Variants in TRERF1 observed in about 807,000 individuals in gnomAD.
TRERF1 encodes transcriptional-regulating factor 1.
In TRERF1, 27 loss-of-function variants were observed where a neutral mutation model predicts 122.9. That is an observed-to-expected ratio of 0.22 (90% CI 0.16 to 0.30). TRERF1 has a LOEUF of 0.30. TRERF1 is among the 10% of genes least tolerant of loss of function. The probability of loss-of-function intolerance (pLI) is 1.00; values close to 1 mark genes in which losing one functional copy is unlikely to be tolerated. For synonymous variants in TRERF1, 636 were observed against 641.7 expected (o/e 0.99, Z 0.13); for missense variants, 1,248 against 1,560.3 (o/e 0.80, Z 3.37).
Position 42,426,559 on chromosome 6 carries a change from C to G in TRERF1, c.-454+24618G>C, listed in dbSNP as rs184455522. ...TTATTCCCAAAAAGAATGAAAACTC[C>G]ATGTGGGTCATGATCACATCTATTT... On this transcript the variant is annotated intron_variant, in intron 2 of 17. Coordinates refer to ENST00000372922, the Ensembl canonical transcript of TRERF1. 2.2e-4 allele frequency among the ~76,000 whole-genome samples: 34 copies of G among 152,276 alleles called. No homozygotes were observed. In the East Asian group the frequency reaches 6.4e-3, roughly 28 times the overall value.
chr6:42,286,231 G>A (rs1241160228), intron 4 of TRERF1, among the ~76,000 whole-genome samples: 1 of 147,122 alleles, frequency 6.8e-6, no homozygotes, highest in East Asian at 2.0e-4. Context: ...ATAGGCATGG[G>A]CAAGGACTTC....
Position 42,263,256 on chromosome 6 carries a change from T to C in TRERF1, c.1884+64A>G. The C allele has an allele frequency of 6.5e-7, 1 of 1,528,194 alleles. No homozygotes were observed. Among genetic ancestry groups the C allele is most frequent in the East Asian group, 2.4e-5 (1 of 42,158 alleles). 94.7% of individuals were successfully genotyped at this position (1,528,194 alleles called of 1,614,324 possible). On this transcript the variant is annotated intron_variant, in intron 8 of 17. Coordinates refer to ENST00000372922, the Ensembl canonical transcript of TRERF1. The surrounding 1 kb of genome is among the most constrained non-coding windows in gnomAD (Gnocchi z 5.6). ...CAGGCAGGTGGGGCAGAGCAGCAACTCACAGCAGGCGTGCGGGGGGCAGCC... is the reference window on the plus strand; with the variant it reads ...CAGGCAGGTGGGGCAGAGCAGCAACCCACAGCAGGCGTGCGGGGGGCAGCC...
rs558652524 is a variant in TRERF1 at position 42,259,522 on chromosome 6, G to A, written c.2086C>T (p.His696Tyr). The change falls in exon 9 of 18, where the codon CAC (histidine) becomes TAC (tyrosine). Residue 696 changes from histidine (H) to tyrosine (Y), a missense_variant. Physicochemically the swap from His to Tyr is moderately conservative, Grantham distance 83. Coordinates refer to ENST00000372922, the Ensembl canonical transcript of TRERF1. This position sits in a 1 kb window ranked among gnomAD's most constrained non-coding sequence, Gnocchi z 4.9. ...TCGTGGGTGGGGTCCAGGAGCAGGT[G>A]GTCCCCGAGGACGCGCGGGGAGCGC... is the stretch of plus-strand genomic sequence containing the variant. 815 of 1,613,100 alleles carry A rather than the reference G, an allele frequency of 5.1e-4. 16 individuals carry two copies. The South Asian group carries it at 8.7e-3, about 17-fold the overall frequency.
chr6:42,287,583 TC>T (rs1367152686), intron 4 of TRERF1, among the ~76,000 whole-genome samples: 2 of 151,792 alleles, frequency 1.3e-5, no homozygotes, highest in African/African-American at 4.8e-5. Context: ...CTTTCACACG[TC>T]CCCCCTGCCC....
At chr6:42,420,337 A>G (rs2151549388) in intron 2 of TRERF1, among the ~76,000 whole-genome samples, 2 of 152,228 alleles carry the variant, frequency 1.3e-5, no homozygotes, top group East Asian at 3.9e-4. Flanking sequence ...TGCAGGGAGG[A>G]TGGGCTGGTC....
intron 4 of TRERF1, among the ~76,000 whole-genome samples, chr6:42,298,886 G>C (rs185447198): frequency 1.2e-3 from 176 of 152,232 alleles, no homozygotes; most frequent in Non-Finnish European, 2.1e-3. Flanking sequence ...GTTGCAGGGA[G>C]CCAAGATTGT....
At position 42,269,810 on chromosome 6, in the gene TRERF1, A is replaced by C; in HGVS notation, c.-220T>G. 7.6e-7 allele frequency: 1 copy of C among 1,320,366 alleles called. No individual in the cohort carries two copies. Among genetic ancestry groups the C allele is most frequent in the Non-Finnish European group, 1.0e-6 (1 of 999,072 alleles). The allele number at this position is 1,320,366 out of a possible 1,614,324, so 81.8% of individuals were successfully genotyped here. A position where few individuals can be genotyped will look rare whatever the true frequency, so the allele number is the denominator to read the frequency against. On this transcript the variant is annotated 5_prime_UTR_variant, in exon 5 of 18. Coordinates refer to ENST00000372922, the Ensembl canonical transcript of TRERF1. The surrounding 1 kb of genome is among the most constrained non-coding windows in gnomAD (Gnocchi z 4.9). ...CACATCCTCTCCCTGGCTGAGGTAT[A>C]GACCACACAGCACTGTGGTGAGGAG...
chr6:42,351,053 A>G (rs942006402), intron 3 of TRERF1, among the ~76,000 whole-genome samples: 1 of 152,176 alleles, frequency 6.6e-6, no homozygotes, highest in African/African-American at 2.4e-5. Context: ...AAATGTTCAA[A>G]TGCATTAGTA....
intron 2 of TRERF1, among the ~76,000 whole-genome samples, chr6:42,408,282 C>CTCATGTGTGTGTATATAT (rs2151423682): frequency 1.6e-5 from 2 of 124,716 alleles, no homozygotes; most frequent in African/African-American, 6.3e-5. Flanking sequence ...TATATACATA[C>CTCATGTGTGTGTATATAT]ACATGTGTGT....
At chr6:42,315,713 C>A (rs886075397) in intron 3 of TRERF1, among the ~76,000 whole-genome samples, 4 of 149,774 alleles carry the variant, frequency 2.7e-5, no homozygotes, top group Admixed American at 2.0e-4. Flanking sequence ...ACCACCCCCC[C>A]CCCCACCCAC....
intron 2 of TRERF1, among the ~76,000 whole-genome samples, chr6:42,409,402 TAG>T (rs1202291831): frequency 6.6e-6 from 1 of 152,256 alleles, no homozygotes; most frequent in African/African-American, 2.4e-5. Context: ...CTTGTTTGCT[TAG>T]AGAAGTCTTG....
At position 42,229,710 on chromosome 6, in the gene TRERF1, A is replaced by G. The variant is rs116805189; in HGVS notation, c.3279-1041T>C. Among the ~76,000 whole-genome samples the G allele has an allele frequency of 8.5e-3, 1,292 of 152,132 alleles. 10 individuals are homozygous for G. Among genetic ancestry groups the G allele is most frequent in the Non-Finnish European group, 0.014 (942 of 68,030 alleles). ...CTACACATCCTCCAACACAGAGGAC[A>G]CTCCCTCTTCGCCAAGCAAGGAATT... On this transcript the variant is annotated intron_variant, in intron 17 of 17. Coordinates refer to ENST00000372922, the Ensembl canonical transcript of TRERF1.
At chr6:42,411,030 C>T (rs1488818979) in intron 2 of TRERF1, among the ~76,000 whole-genome samples, 1 of 152,126 alleles carries the variant, frequency 6.6e-6, no homozygotes, top group Non-Finnish European at 1.5e-5. Flanking sequence ...GGGAAGGGGA[C>T]AGCCTAGAAC....
chr6:42,328,099 G>A (rs1180825368), intron 3 of TRERF1, among the ~76,000 whole-genome samples: 2 of 148,512 alleles, frequency 1.3e-5, no homozygotes, highest in Admixed American at 6.8e-5. Context: ...TCCGCCTCCC[G>A]GGTTCAGGCG....
At chr6:42,402,360 C>T (rs998917245) in intron 2 of TRERF1, among the ~76,000 whole-genome samples, 2 of 152,140 alleles carry the variant, frequency 1.3e-5, no homozygotes, top group Admixed American at 6.5e-5. Flanking sequence ...CCATAGGTAC[C>T]GCTAATGTAA....
rs570366057 is a variant in TRERF1, at chr6:42,360,444, C to T, written c.-371+2553G>A. On this transcript the variant is annotated intron_variant, in intron 3 of 17. Coordinates refer to ENST00000372922, the Ensembl canonical transcript of TRERF1. ...CTGAAAAACAGATGCTAACTGCTTC[C>T]AACAGGATGTGTTTGGGAAGATCCT... is the stretch of plus-strand genomic sequence containing the variant. Among the ~76,000 whole-genome samples, 43 of 152,310 alleles carry T rather than the reference C, an allele frequency of 2.8e-4. 1 individual carries two copies. The South Asian group carries it at 8.3e-3, about 29-fold the overall frequency.
intron 2 of TRERF1, among the ~76,000 whole-genome samples, chr6:42,395,876 C>G (rs1373816956): frequency 2.6e-5 from 4 of 152,082 alleles, no homozygotes; most frequent in Non-Finnish European, 5.9e-5. Context: ...GCTCACATCT[C>G]TGTACTACAG....
At chr6:42,426,756 A>G (rs946786951) in intron 2 of TRERF1, among the ~76,000 whole-genome samples, 3 of 152,222 alleles carry the variant, frequency 2.0e-5, no homozygotes, top group African/African-American at 4.8e-5. Context: ...GTGCTACAGC[A>G]GCAAAGTTGA....
At chr6:42,376,667 C>T (rs774073754) in intron 2 of TRERF1, among the ~76,000 whole-genome samples, 3 of 150,516 alleles carry the variant, frequency 2.0e-5, no homozygotes, top group South Asian at 2.1e-4. Context: ...CTCAGCCTCC[C>T]GAGTAGCTGG....
Sources: allele counts gnomAD v4.1 joint callset (sites outside exome capture counted in the v4.1 genomes callset), GRCh38; gene constraint gnomAD v4.1.1; non-coding constraint Gnocchi (gnomAD v3.1); transcripts MANE v1.5; gene names NCBI Gene and HGNC (gene_info 2026-07-23, HGNC 2026-07-21).